The following NELL2 variants were observed in gnomAD, a reference collection of about 807,000 sequenced individuals.
The protein encoded by NELL2 is neural EGFL like 2.
Under a neutral mutation model 109.6 loss-of-function variants are expected in NELL2, and 41 were observed. The ratio of observed to expected loss-of-function variants is 0.37; its 90% CI spans 0.29 to 0.49. The LOEUF is 0.49. NELL2 is among the 20% of genes least tolerant of loss of function. NELL2 has a pLI of 0.98. For synonymous variants in NELL2, 355 were observed against 344.7 expected (o/e 1.03, Z -0.33); for missense variants, 900 against 1,008.3 (o/e 0.89, Z 1.45).
intron 9 of NELL2, among the ~76,000 whole-genome samples, chr12:44,738,773 G>A (rs114299611): frequency 0.013 from 1,971 of 152,230 alleles, 37 homozygotes; most frequent in African/African-American, 0.04. Context: ...TAATAATAAC[G>A]TATTGTATAC....
At chr12:44,897,047 C>T (rs544995333) in intron 1 of NELL2, among the ~76,000 whole-genome samples, 4 of 152,272 alleles carry the variant, frequency 2.6e-5, no homozygotes, top group Admixed American at 6.5e-5. Context: ...GTACTATTGA[C>T]ATGTTTTCAT....
intron 15 of NELL2, among the ~76,000 whole-genome samples, chr12:44,594,488 GA>G (rs1372828379): frequency 1.3e-5 from 2 of 152,056 alleles, no homozygotes; most frequent in African/African-American, 4.8e-5. Flanking sequence ...TCCTAATATT[GA>G]ATGCTGCAGA....
At chr12:44,573,025 G>A (rs946939593) in intron 15 of NELL2, among the ~76,000 whole-genome samples, 5 of 152,178 alleles carry the variant, frequency 3.3e-5, no homozygotes, top group Non-Finnish European at 5.9e-5. Context: ...CTGACCCAAA[G>A]GCTGAGGTGA....
intron 16 of NELL2, among the ~76,000 whole-genome samples, chr12:44,525,678 A>G (rs1259825088): frequency 1.3e-5 from 2 of 152,214 alleles, no homozygotes; most frequent in Non-Finnish European, 2.9e-5. Context: ...AAAAATATTG[A>G]TAACTCCTTT....
At chr12:44,758,191 C>T (rs1416901513) in intron 9 of NELL2, among the ~76,000 whole-genome samples, 1 of 152,070 alleles carries the variant, frequency 6.6e-6, no homozygotes, top group Non-Finnish European at 1.5e-5. Context: ...ATAACTAGAT[C>T]ATTTGGGGAA....
intron 2 of NELL2, among the ~76,000 whole-genome samples, chr12:44,842,850 G>T (rs571567908): frequency 6.6e-6 from 1 of 151,818 alleles, no homozygotes; most frequent in Non-Finnish European, 1.5e-5. Context: ...AGAGGCCCAC[G>T]TGCAGATGGA....
chr12:44,710,265 T>C (rs1396944806), intron 11 of NELL2, among the ~76,000 whole-genome samples: 1 of 152,188 alleles, frequency 6.6e-6, no homozygotes, highest in Non-Finnish European at 1.5e-5. Context: ...TTCTTTGTCT[T>C]ACTTTTTCTA....
intron 1 of NELL2, among the ~76,000 whole-genome samples, chr12:44,897,784 A>G (rs1264915891): frequency 6.6e-6 from 1 of 151,410 alleles, no homozygotes; most frequent in East Asian, 2.0e-4. Context: ...ACTCCCCTGG[A>G]AAAGAGGCTG....
upstream of NELL2, among the ~76,000 whole-genome samples, chr12:44,877,388 T>A (rs1368636211): frequency 6.6e-6 from 1 of 152,248 alleles, no homozygotes; most frequent in Non-Finnish European, 1.5e-5. Flanking sequence ...CTAAAATTTT[T>A]AGGTAAATTT....
intron 16 of NELL2, among the ~76,000 whole-genome samples, chr12:44,526,808 C>G (rs980005175): frequency 6.6e-6 from 1 of 152,208 alleles, no homozygotes; most frequent in African/African-American, 2.4e-5. Flanking sequence ...TGCACTTCCT[C>G]TGGGCTTCCA....
At chr12:44,662,428 A>T (rs12581256) in intron 13 of NELL2, among the ~76,000 whole-genome samples, 24,610 of 152,132 alleles carry the variant, frequency 0.16, 2,066 homozygotes, top group East Asian at 0.21. Flanking sequence ...AAAGAGGTTC[A>T]TATTCCAGCC....
chr12:44,725,409 G>A (rs1939020771), intron 9 of NELL2, among the ~76,000 whole-genome samples: 1 of 152,066 alleles, frequency 6.6e-6, no homozygotes, highest in South Asian at 2.1e-4. Flanking sequence ...TGGTGGGAGT[G>A]TAAATTAGTT....
chr12:44,578,431 AG>A (rs34359852), intron 15 of NELL2, among the ~76,000 whole-genome samples: 119,585 of 149,540 alleles, frequency 0.8, 47,379 homozygotes, highest in East Asian at 1. Flanking sequence ...TGATCAAGAT[AG>A]GAAAAAAAAA....
chr12:44,835,293 C>A (rs1036180222), intron 2 of NELL2, among the ~76,000 whole-genome samples: 1 of 152,176 alleles, frequency 6.6e-6, no homozygotes, highest in African/African-American at 2.4e-5. Context: ...CAGAAATACA[C>A]CAAAAAGAAT....
chr12:44,676,753 TCAGA>T (rs1309215788), intron 12 of NELL2, among the ~76,000 whole-genome samples: 1 of 152,044 alleles, frequency 6.6e-6, no homozygotes, highest in Admixed American at 6.6e-5. Flanking sequence ...TAGGAAAATC[TCAGA>T]CAGGGTTGAG....
chr12:44,534,860 T>G (rs888186607), intron 15 of NELL2, among the ~76,000 whole-genome samples: 2 of 152,062 alleles, frequency 1.3e-5, no homozygotes, highest in African/African-American at 4.8e-5. Context: ...CCCATTATAT[T>G]TAGCCTTCAA....
At chr12:44,702,834 AG>A (rs1232718896) in intron 12 of NELL2, among the ~76,000 whole-genome samples, 2 of 152,174 alleles carry the variant, frequency 1.3e-5, no homozygotes, top group Non-Finnish European at 2.9e-5. Context: ...ATTTAAGCTA[AG>A]GGAAACAACA....
intron 15 of NELL2, among the ~76,000 whole-genome samples, chr12:44,590,636 G>C (rs1944710148): frequency 6.6e-6 from 1 of 152,146 alleles, no homozygotes; most frequent in Non-Finnish European, 1.5e-5. Flanking sequence ...GTTTAAGATA[G>C]TGTTATTGTA....
At chr12:44,587,284 A>AAAAAAAAAAAAAAAAAAATATATAT in intron 15 of NELL2, among the ~76,000 whole-genome samples, 2 of 72,216 alleles carry the variant, frequency 2.8e-5, no homozygotes, top group African/African-American at 5.1e-5. Flanking sequence ...AAAAAAAAAA[A>AAAAAAAAAAAAAAAAAAATATATAT]ATATATATAT....
Sources: gnomAD v4.1 joint callset for allele counts (sites outside exome capture counted in the v4.1 genomes callset) on GRCh38, gnomAD v4.1.1 for gene constraint, MANE v1.5 for transcripts, NCBI Gene and HGNC (gene_info 2026-07-23, HGNC 2026-07-21) for gene names.